Variants in SMYD3 observed in about 807,000 individuals in gnomAD.
The protein encoded by SMYD3 is histone-lysine N-methyltransferase SMYD3.
A neutral mutation model predicts 57.7 loss-of-function variants in SMYD3; 36 were observed. That is an observed-to-expected ratio of 0.62 (90% CI 0.48 to 0.82). The LOEUF is 0.82. Among genes scored for constraint, SMYD3 ranks in the 40% least tolerant of loss-of-function variants. SMYD3 has a pLI of 0.00. For missense variants in SMYD3, 515 were observed against 538.8 expected, an observed-to-expected ratio of 0.96 and a Z score of 0.44; for synonymous variants, 211 against 195.0, an observed-to-expected ratio of 1.08 and a Z score of -0.68.
chr1:246,222,732 C>G (rs1558327148), intron 5 of SMYD3, among the ~76,000 whole-genome samples: 2 of 152,144 alleles, frequency 1.3e-5, no homozygotes, highest in Non-Finnish European at 2.9e-5. Flanking sequence ...TTAATATAAA[C>G]TGAAGGATGC....
At position 246,191,133 on chromosome 1, in the gene SMYD3, A is replaced by G. The variant is rs2062731778; in HGVS notation, c.531+136068T>C. Among the ~76,000 whole-genome samples the G allele has an allele frequency of 2.0e-5, 3 of 152,244 alleles. No homozygotes were observed. The South Asian group carries it at 6.2e-4, about 31-fold the overall frequency. ...TCACTGCCTTACACGCAGGAGTTTCAATGTTTTGGTACCAATTAAAGACCA... is the reference window on the plus strand; with the variant it reads ...TCACTGCCTTACACGCAGGAGTTTCGATGTTTTGGTACCAATTAAAGACCA... On this transcript the variant is annotated intron_variant, in intron 5 of 11. Transcript: ENST00000490107.
chr1:245,778,935 C>T (rs1337428084), intron 10 of SMYD3, among the ~76,000 whole-genome samples: 2 of 151,920 alleles, frequency 1.3e-5, no homozygotes, highest in African/African-American at 4.8e-5. Context: ...CGAGGCGGGT[C>T]GATCACTTGA....
intron 5 of SMYD3, among the ~76,000 whole-genome samples, chr1:246,239,572 G>C (rs1468941480): frequency 6.6e-6 from 1 of 152,178 alleles, no homozygotes; most frequent in African/African-American, 2.4e-5. Context: ...TGTCTTTATA[G>C]CAGCATGATT....
At chr1:246,058,301 G>A (rs2060188365) in intron 5 of SMYD3, among the ~76,000 whole-genome samples, 1 of 152,178 alleles carries the variant, frequency 6.6e-6, no homozygotes, top group South Asian at 2.1e-4. Context: ...CTGAGAATGA[G>A]GGAGGCTGTG....
intron 5 of SMYD3, chr1:246,113,609 A>G (rs2061291129): frequency 6.6e-6 from 1 of 152,212 alleles, no homozygotes; most frequent in Non-Finnish European, 1.5e-5. Flanking sequence ...AGTATCTTCT[A>G]AAGTCCTTGA....
intron 1 of SMYD3, among the ~76,000 whole-genome samples, chr1:246,496,921 C>T (rs1384994906): frequency 1.3e-5 from 2 of 152,304 alleles, no homozygotes; most frequent in African/African-American, 4.8e-5. Flanking sequence ...AAACAGTAAA[C>T]TGGCAACAAG....
At chr1:246,379,360 T>G (rs2066350780) in intron 1 of SMYD3, among the ~76,000 whole-genome samples, 1 of 152,160 alleles carries the variant, frequency 6.6e-6, no homozygotes. Flanking sequence ...ATTTTTAAAT[T>G]GCAAACTTTC....
chr1:245,797,753 T>G (rs1183400395), intron 10 of SMYD3, among the ~76,000 whole-genome samples: 2 of 145,494 alleles, frequency 1.4e-5, no homozygotes, highest in African/African-American at 5.2e-5. Context: ...AGATTTCAGG[T>G]CCACTGCAGA....
rs954970506 is a variant in SMYD3 at position 246,203,406 on chromosome 1, C to G, written c.531+123795G>C. 1.3e-5 allele frequency among the ~76,000 whole-genome samples: 2 copies of G among 152,232 alleles called. No individual in the cohort carries two copies. Among genetic ancestry groups the G allele is most frequent in the African/African-American group, 4.8e-5 (2 of 41,462 alleles). On this transcript the variant is annotated intron_variant, in intron 5 of 11. Transcript: ENST00000490107. This position sits in a 1 kb window ranked among gnomAD's most constrained non-coding sequence, Gnocchi z 4.6. Reference sequence around the variant, plus strand: ...TGGTTGTTCGCTAGAGCTGCCATAACAGAATACTACAGACTGGTGGCTGAA... The same window carrying G: ...TGGTTGTTCGCTAGAGCTGCCATAAGAGAATACTACAGACTGGTGGCTGAA...
At chr1:246,005,829 C>T (rs767299883) in intron 5 of SMYD3, among the ~76,000 whole-genome samples, 4 of 152,150 alleles carry the variant, frequency 2.6e-5, no homozygotes, top group East Asian at 1.9e-4. Flanking sequence ...CATTACCAGA[C>T]GTCGTCACTG....
intron 1 of SMYD3, among the ~76,000 whole-genome samples, chr1:246,375,905 T>C (rs1261731351): frequency 6.6e-6 from 1 of 151,906 alleles, no homozygotes; most frequent in Non-Finnish European, 1.5e-5. Flanking sequence ...CATTTTTGTA[T>C]TTTTAGTAGA....
At position 245,793,742 on chromosome 1, in the gene SMYD3, T is replaced by C. The variant is rs568715306; in HGVS notation, c.1077-29593A>G. On this transcript the variant is annotated intron_variant, in intron 10 of 11. Transcript: ENST00000490107. Reference sequence around the variant, plus strand: ...CTATTTTCTGCAGGGACCAACCATATTAGCTTAGGCTAACGTGCAAATCCC... The same window carrying C: ...CTATTTTCTGCAGGGACCAACCATACTAGCTTAGGCTAACGTGCAAATCCC... Among the ~76,000 whole-genome samples the C allele has an allele frequency of 3.9e-5, 6 of 152,260 alleles. No homozygotes were observed. The South Asian group carries it at 1.2e-3, about 32-fold the overall frequency.
intron 1 of SMYD3, among the ~76,000 whole-genome samples, chr1:246,473,399 A>G (rs2067986876): frequency 6.6e-6 from 1 of 152,132 alleles, no homozygotes; most frequent in African/African-American, 2.4e-5. Context: ...ATTCCTTATT[A>G]CTTTTGCTAA....
intron 11 of SMYD3, among the ~76,000 whole-genome samples, chr1:245,760,075 A>G (rs1266206803): frequency 3.3e-5 from 5 of 152,212 alleles, no homozygotes; most frequent in Non-Finnish European, 7.4e-5. Context: ...TGTGGCAGCA[A>G]TCACAAGAAT....
chr1:246,377,671 A>G (rs1254957563), intron 1 of SMYD3, among the ~76,000 whole-genome samples: 2 of 152,144 alleles, frequency 1.3e-5, no homozygotes, highest in African/African-American at 4.8e-5. Flanking sequence ...GCCCAACCAT[A>G]ATTCTGAATT....
At chr1:245,839,459 G>A (rs1176651893) in intron 10 of SMYD3, among the ~76,000 whole-genome samples, 1 of 151,598 alleles carries the variant, frequency 6.6e-6, no homozygotes, top group Non-Finnish European at 1.5e-5. Context: ...ATGAGCCACT[G>A]TGCCCAGCCC....
At chr1:245,895,758 C>T (rs1179389823) in intron 8 of SMYD3, among the ~76,000 whole-genome samples, 1 of 152,250 alleles carries the variant, frequency 6.6e-6, no homozygotes, top group Non-Finnish European at 1.5e-5. Flanking sequence ...GGAATCAAGG[C>T]AGTTCCCACA....
rs567840466 is a variant in SMYD3 at position 245,844,081 on chromosome 1, C to T, written c.1076+14415G>A. ...TTTCCTCAATTCCAAGTAACAAGTC[C>T]TAGTTCCTCCTCCTCTGGCCAGGAG... On this transcript the variant is annotated intron_variant, in intron 10 of 11. Coordinates refer to ENST00000490107, the MANE Select transcript of SMYD3 (RefSeq NM_001167740.2). Among the ~76,000 whole-genome samples the T allele has an allele frequency of 5.3e-5, 8 of 152,254 alleles. No individual in the cohort carries two copies. In the East Asian group the frequency reaches 1.4e-3, roughly 26 times the overall value.
chr1:246,196,205 T>A (rs762111835), intron 5 of SMYD3, among the ~76,000 whole-genome samples: 4 of 152,314 alleles, frequency 2.6e-5, no homozygotes, highest in African/African-American at 4.8e-5. Context: ...TCCTGGTTGT[T>A]TCTAAATTTC....
Sources: allele counts gnomAD v4.1 joint callset (sites outside exome capture counted in the v4.1 genomes callset), GRCh38; gene constraint gnomAD v4.1.1; non-coding constraint Gnocchi (gnomAD v3.1); transcripts MANE v1.5; gene names NCBI Gene and HGNC (gene_info 2026-07-23, HGNC 2026-07-21).